Variants in ATP8B4 observed in about 807,000 individuals in gnomAD.
ATP8B4 encodes probable phospholipid-transporting ATPase IM.
ATP8B4 carries 133 observed loss-of-function variants against 145.6 expected under a neutral mutation model. The ratio of observed to expected loss-of-function variants is 0.91; its 90% CI spans 0.79 to 1.05. The LOEUF is 1.05. Among genes scored for constraint, ATP8B4 ranks in the 50% least tolerant of loss-of-function variants. The pLI is 0.00. For missense variants in ATP8B4, 1,458 were observed against 1,425.2 expected (o/e 1.02, Z -0.37); for synonymous variants, 507 against 492.9 (o/e 1.03, Z -0.38).
At chr15:49,890,632 T>A (rs902882023) in intron 23 of ATP8B4, among the ~76,000 whole-genome samples, 1 of 152,212 alleles carries the variant, frequency 6.6e-6, no homozygotes, top group African/African-American at 2.4e-5. Flanking sequence ...TTCTCTGTAG[T>A]TCTTACAAAT....
chr15:50,173,122 G>A (rs1414517411), intron 1 of ATP8B4, among the ~76,000 whole-genome samples: 1 of 150,204 alleles, frequency 6.7e-6, no homozygotes, highest in African/African-American at 2.5e-5. Flanking sequence ...GAGGTGGGGG[G>A]CGCCTCTGCC....
At chr15:50,101,698 A>G (rs2056363006) in intron 2 of ATP8B4, among the ~76,000 whole-genome samples, 1 of 152,210 alleles carries the variant, frequency 6.6e-6, no homozygotes, top group African/African-American at 2.4e-5. Context: ...ACAGAAAGTC[A>G]ACAAGGAAAC....
At chr15:50,002,961 A>C (rs566808001) in intron 7 of ATP8B4, among the ~76,000 whole-genome samples, 2 of 152,290 alleles carry the variant, frequency 1.3e-5, no homozygotes, top group South Asian at 4.1e-4. Flanking sequence ...AAATTGGCAA[A>C]GTGCTTATTG....
intron 20 of ATP8B4, among the ~76,000 whole-genome samples, chr15:49,915,540 C>A (rs908066649): frequency 5.3e-5 from 8 of 151,978 alleles, no homozygotes; most frequent in African/African-American, 1.9e-4. Context: ...ATTATACATT[C>A]TATCCATATA....
At chr15:49,966,518 G>A (rs565159738) in intron 13 of ATP8B4, among the ~76,000 whole-genome samples, 13 of 152,296 alleles carry the variant, frequency 8.5e-5, no homozygotes, top group East Asian at 1.9e-4. Context: ...CAAACCAGGC[G>A]GAGCCCACTG....
At chr15:50,149,731 G>T (rs1781115106) in intron 1 of ATP8B4, among the ~76,000 whole-genome samples, 1 of 152,186 alleles carries the variant, frequency 6.6e-6, no homozygotes, top group Admixed American at 6.5e-5. Flanking sequence ...CAGTGGGAAA[G>T]CACATGCCAT....
chr15:49,889,379 G>A (rs938278432), intron 23 of ATP8B4, among the ~76,000 whole-genome samples: 3 of 152,254 alleles, frequency 2.0e-5, no homozygotes, highest in Middle Eastern at 3.4e-3. Flanking sequence ...CTTTGTTCCC[G>A]CTGCTTCTCC....
At chr15:49,943,982 AT>A (rs2042370960) in intron 14 of ATP8B4, among the ~76,000 whole-genome samples, 1 of 152,324 alleles carries the variant, frequency 6.6e-6, no homozygotes, top group South Asian at 2.1e-4. Flanking sequence ...TTTGTATGTG[AT>A]TTAACTTGTT....
At chr15:49,992,985 A>G (rs1052346754) in intron 9 of ATP8B4, among the ~76,000 whole-genome samples, 2 of 152,136 alleles carry the variant, frequency 1.3e-5, no homozygotes, top group Non-Finnish European at 2.9e-5. Context: ...GTCTTTTTCC[A>G]ATCACCAGAG....
chr15:50,167,370 A>G (rs2044610418), intron 1 of ATP8B4, among the ~76,000 whole-genome samples: 1 of 152,182 alleles, frequency 6.6e-6, no homozygotes, highest in Admixed American at 6.5e-5. Context: ...GGCCTCTCTC[A>G]TACCTTTTAG....
rs566151118 is a variant in ATP8B4, at chr15:50,074,995, C to A, written c.29-810G>T. Among the ~76,000 whole-genome samples the A allele has an allele frequency of 2.0e-5, 3 of 152,246 alleles. No homozygotes were observed. In the South Asian group the frequency reaches 6.2e-4, roughly 32 times the overall value. ...GAGAAAAGAGTCAGCAAGGTAACCACCAGATGTCAATGCTGGATTCTCATG... is the reference window on the plus strand; with the variant it reads ...GAGAAAAGAGTCAGCAAGGTAACCAACAGATGTCAATGCTGGATTCTCATG... On this transcript the variant is annotated intron_variant, in intron 2 of 27. Transcript: ENST00000284509.
At chr15:49,862,688 C>T (rs1160483190) in intron 26 of ATP8B4, among the ~76,000 whole-genome samples, 1 of 152,070 alleles carries the variant, frequency 6.6e-6, no homozygotes. Flanking sequence ...TCGATCTGAC[C>T]TCATGATCCT....
At chr15:49,884,434 T>C (rs2035899932) in intron 23 of ATP8B4, among the ~76,000 whole-genome samples, 1 of 151,840 alleles carries the variant, frequency 6.6e-6, no homozygotes, top group African/African-American at 2.4e-5. Flanking sequence ...AACTTGTCTC[T>C]ACCAAAAATA....
chr15:50,177,726 G>A (rs2044784321), intron 1 of ATP8B4, among the ~76,000 whole-genome samples: 2 of 152,208 alleles, frequency 1.3e-5, no homozygotes, highest in Admixed American at 1.3e-4. Context: ...CCCTGGACTA[G>A]CAGTGTCAGC....
chr15:50,084,797 C>T, intron 2 of ATP8B4, among the ~76,000 whole-genome samples: 1 of 152,090 alleles, frequency 6.6e-6, no homozygotes, highest in Non-Finnish European at 1.5e-5. Context: ...GCAGTCCAAC[C>T]TCTGCTTTCG....
At chr15:49,914,964 T>C (rs1463798075) in intron 20 of ATP8B4, among the ~76,000 whole-genome samples, 2 of 152,124 alleles carry the variant, frequency 1.3e-5, no homozygotes, top group Non-Finnish European at 2.9e-5. Context: ...TGGGTATTTA[T>C]TCAAAGGAAA....
At chr15:50,040,271 TG>T (rs1262738887) in intron 5 of ATP8B4, among the ~76,000 whole-genome samples, 1 of 152,258 alleles carries the variant, frequency 6.6e-6, no homozygotes, top group Non-Finnish European at 1.5e-5. Flanking sequence ...TAGCAATGGC[TG>T]CTTCCACAGA....
intron 9 of ATP8B4, among the ~76,000 whole-genome samples, chr15:49,992,874 A>G (rs545225143): frequency 2.0e-5 from 3 of 151,904 alleles, no homozygotes; most frequent in South Asian, 4.2e-4. Context: ...TACCTTGCCA[A>G]AGCTAGCCAG....
At chr15:49,968,205 A>C (rs1303514589) in intron 13 of ATP8B4, among the ~76,000 whole-genome samples, 1 of 152,246 alleles carries the variant, frequency 6.6e-6, no homozygotes, top group Non-Finnish European at 1.5e-5. Flanking sequence ...CACTATGAAG[A>C]AACTGCATCA....
Sources: gnomAD v4.1 joint callset for allele counts (sites outside exome capture counted in the v4.1 genomes callset) on GRCh38, gnomAD v4.1.1 for gene constraint, MANE v1.5 for transcripts, NCBI Gene and HGNC (gene_info 2026-07-23, HGNC 2026-07-21) for gene names.